Variants in GALNT17 observed in about 807,000 individuals in gnomAD.
The protein encoded by GALNT17 is polypeptide N-acetylgalactosaminyltransferase 17, also known as UDP-GalNAc:polypeptide N-acetylgalactosaminyltransferase-like 3.
GALNT17 carries 29 observed loss-of-function variants against 63.7 expected under a neutral mutation model. The observed-to-expected ratio is 0.46, with a 90% CI of 0.34 to 0.62. The LOEUF (loss-of-function observed/expected upper bound fraction) is 0.62. Among genes scored for constraint, GALNT17 ranks in the 20% least tolerant of loss-of-function variants. The probability of loss-of-function intolerance (pLI) is 0.01; values close to 1 mark genes in which losing one functional copy is unlikely to be tolerated. For synonymous variants in GALNT17, 305 were observed against 318.3 expected, an observed-to-expected ratio of 0.96 and a Z score of 0.45; for missense variants, 603 against 799.6, an observed-to-expected ratio of 0.75 and a Z score of 2.97.
chr7:71,530,866 C>A (rs28658503), intron 5 of GALNT17, among the ~76,000 whole-genome samples: 81,114 of 151,906 alleles, frequency 0.53, 24,035 homozygotes, highest in Non-Finnish European at 0.68. Context: ...CCATGCCCGG[C>A]CAAGAATTTT....
chr7:71,628,009 C>A (rs1790398887), intron 6 of GALNT17, among the ~76,000 whole-genome samples: 2 of 151,574 alleles, frequency 1.3e-5, no homozygotes, highest in African/African-American at 4.9e-5. Flanking sequence ...AGCATGCAAG[C>A]AGATATACAG....
intron 1 of GALNT17, among the ~76,000 whole-genome samples, chr7:71,329,946 C>CGT (rs1563007580): frequency 2.0e-5 from 3 of 149,076 alleles, no homozygotes; most frequent in Non-Finnish European, 4.5e-5. Context: ...TATATACACA[C>CGT]ATATGTGTGT....
intron 6 of GALNT17, among the ~76,000 whole-genome samples, chr7:71,595,619 G>T (rs1019834137): frequency 1.3e-5 from 2 of 151,154 alleles, no homozygotes; most frequent in East Asian, 2.0e-4. Context: ...CTTCATATGT[G>T]TTGGCTCAAG....
intron 1 of GALNT17, among the ~76,000 whole-genome samples, chr7:71,213,302 A>G (rs1180730039): frequency 6.6e-6 from 1 of 152,174 alleles, no homozygotes; most frequent in African/African-American, 2.4e-5. Flanking sequence ...GCCTTCTGCC[A>G]TGATTCTGAG....
intron 6 of GALNT17, among the ~76,000 whole-genome samples, chr7:71,651,118 G>T (rs913543044): frequency 4.7e-5 from 7 of 149,910 alleles, no homozygotes; most frequent in Non-Finnish European, 8.9e-5. Context: ...TGTTTGAACT[G>T]TCAGAGTCGG....
chr7:71,387,779 G>A (rs926779371), intron 2 of GALNT17, among the ~76,000 whole-genome samples: 5 of 152,070 alleles, frequency 3.3e-5, no homozygotes, highest in African/African-American at 7.2e-5. Flanking sequence ...AGGTAGATGC[G>A]GGTAGATGGC....
intron 1 of GALNT17, among the ~76,000 whole-genome samples, chr7:71,133,646 C>G (rs554779681): frequency 6.6e-6 from 1 of 152,294 alleles, no homozygotes; most frequent in South Asian, 2.1e-4. Context: ...TGTTAAAGCT[C>G]AGGGTGGGCC....
At chr7:71,319,195 G>A (rs1386743579) in intron 1 of GALNT17, among the ~76,000 whole-genome samples, 3 of 149,154 alleles carry the variant, frequency 2.0e-5, no homozygotes, top group African/African-American at 4.9e-5. Context: ...ACATTTATCT[G>A]CCCTCTTACA....
At chr7:71,507,335 TAC>T (rs149124533) in intron 5 of GALNT17, among the ~76,000 whole-genome samples, 10,147 of 152,310 alleles carry the variant, frequency 0.067, 399 homozygotes, top group East Asian at 0.23. Flanking sequence ...TGTCTTGACA[TAC>T]AGTTTTGAGC....
At chr7:71,510,906 C>T (rs1424836359) in intron 5 of GALNT17, among the ~76,000 whole-genome samples, 2 of 152,126 alleles carry the variant, frequency 1.3e-5, no homozygotes, top group African/African-American at 4.8e-5. Context: ...GATGCAGTGC[C>T]TCACACCTGT....
chr7:71,230,818 A>G (rs1299688002), intron 1 of GALNT17, among the ~76,000 whole-genome samples: 1 of 152,114 alleles, frequency 6.6e-6, no homozygotes, highest in African/African-American at 2.4e-5. Flanking sequence ...TTTTCCAAAG[A>G]TAGAGCACAT....
Position 71,533,946 on chromosome 7 carries a change from T to C in GALNT17, c.963-37339T>C, listed in dbSNP as rs146032708. ...AGGGGTCTGGCGTCTCTTTAAATCA[T>C]GTGTGGCAAAACAGGAATTCGGAGT... On this transcript the variant is annotated intron_variant, in intron 5 of 10. Coordinates refer to ENST00000333538, the MANE Select transcript of GALNT17 (RefSeq NM_022479.3). Among the ~76,000 whole-genome samples the C allele has an allele frequency of 7.2e-3, 1,092 of 152,202 alleles. 8 individuals are homozygous for C. The highest frequency in any genetic ancestry group is 0.025 in the African/African-American group (1,042 of 41,546).
chr7:71,509,155 G>A (rs6961338), intron 5 of GALNT17, among the ~76,000 whole-genome samples: 2 of 152,144 alleles, frequency 1.3e-5, no homozygotes, highest in East Asian at 1.9e-4. Context: ...TCTGTTTTTC[G>A]CTTTCAATAC....
intron 1 of GALNT17, among the ~76,000 whole-genome samples, chr7:71,312,782 G>A (rs2115952025): frequency 6.6e-6 from 1 of 152,318 alleles, no homozygotes; most frequent in Non-Finnish European, 1.5e-5. Context: ...AGGGAGTTAG[G>A]AATTCAACAT....
At chr7:71,389,445 T>TTTTTATGAGAATCTA (rs1793009799) in intron 3 of GALNT17, among the ~76,000 whole-genome samples, 1 of 152,114 alleles carries the variant, frequency 6.6e-6, no homozygotes, top group African/African-American at 2.4e-5. Flanking sequence ...GGTTGCAACC[T>TTTTTATGAGAATCTA]TTTTATGAGA....
chr7:71,171,520 A>C (rs1788546963), intron 1 of GALNT17, among the ~76,000 whole-genome samples: 1 of 152,214 alleles, frequency 6.6e-6, no homozygotes, highest in Non-Finnish European at 1.5e-5. Context: ...AAACAAAACA[A>C]AAGAAGAATA....
intron 5 of GALNT17, among the ~76,000 whole-genome samples, chr7:71,557,818 A>G (rs745762909): frequency 6.6e-6 from 1 of 151,134 alleles, no homozygotes; most frequent in African/African-American, 2.4e-5. Context: ...CACATCTGTA[A>G]TCCCAGCACT....
chr7:71,244,411 A>G (rs1306406225), intron 1 of GALNT17, among the ~76,000 whole-genome samples: 1 of 152,192 alleles, frequency 6.6e-6, no homozygotes, highest in African/African-American at 2.4e-5. Flanking sequence ...GTAAGAGAGA[A>G]GAGAGCCTGA....
chr7:71,196,445 T>C (rs1223206838), intron 1 of GALNT17, among the ~76,000 whole-genome samples: 3 of 152,054 alleles, frequency 2.0e-5, no homozygotes, highest in Non-Finnish European at 4.4e-5. Context: ...TGGCCCCTTC[T>C]TCTGCTTCTG....
Sources: gnomAD v4.1 joint callset for allele counts (sites outside exome capture counted in the v4.1 genomes callset) on GRCh38, gnomAD v4.1.1 for gene constraint, MANE v1.5 for transcripts, NCBI Gene and HGNC (gene_info 2026-07-23, HGNC 2026-07-21) for gene names.